The following LIMK1 variants were observed in gnomAD, a reference collection of about 807,000 sequenced individuals.
The protein encoded by LIMK1 is LIM motif-containing protein kinase.
A neutral mutation model predicts 77.6 loss-of-function variants in LIMK1; 21 were observed. The ratio of observed to expected loss-of-function variants is 0.27; its 90% CI spans 0.19 to 0.39. The LOEUF (loss-of-function observed/expected upper bound fraction) is 0.39. LIMK1 is among the 10% of genes least tolerant of loss of function. LIMK1 has a pLI of 1.00. For synonymous variants in LIMK1, 358 were observed against 370.0 expected (o/e 0.97, Z 0.37); for missense variants, 696 against 901.6 (o/e 0.77, Z 2.92).
chr7:74,090,298 C>G (rs531248105), intron 2 of LIMK1, among the ~76,000 whole-genome samples: 1 of 152,174 alleles, frequency 6.6e-6, no homozygotes, highest in South Asian at 2.1e-4. Flanking sequence ...TCGCTTGAAC[C>G]CGAGAGGCAG....
intron 5 of LIMK1, among the ~76,000 whole-genome samples, chr7:74,100,327 A>G (rs138211421): frequency 5.3e-5 from 8 of 152,308 alleles, no homozygotes; most frequent in Non-Finnish European, 1.2e-4. Flanking sequence ...TGTTTGAACA[A>G]TGAGGGAGTT....
intron 12 of LIMK1, among the ~76,000 whole-genome samples, chr7:74,114,590 A>G (rs140610382): frequency 2.0e-5 from 3 of 151,136 alleles, no homozygotes; most frequent in Non-Finnish European, 4.4e-5. Flanking sequence ...AAAGCAAAAA[A>G]CATAGACCTC....
rs782486559 is a variant in LIMK1 at position 74,109,006 on chromosome 7, C to T, written c.1254C>T (p.Gly418=). Reference sequence around the variant, plus strand: ...ACTTCATCACTGAGTACATCAAGGGCGGCACGCTCCGGGGCATCATCAAGA... The same window carrying T: ...ACTTCATCACTGAGTACATCAAGGGTGGCACGCTCCGGGGCATCATCAAGA... ...RLNFITEYIK[G]GTLRGIIKSM... is the part of the protein sequence containing the mutation. Residue 418 remains glycine (G), a synonymous_variant, in exon 10 of 16, where the codon GGC becomes GGT. Transcript: ENST00000336180. 38 of 1,613,774 alleles carry T rather than the reference C, an allele frequency of 2.4e-5. No individual in the cohort carries two copies. The highest frequency in any genetic ancestry group is 9.3e-5 in the African/African-American group (7 of 74,904).
intron 9 of LIMK1, 34 bp downstream of exon 9, chr7:74,107,991 G>A: frequency 1.3e-5 from 19 of 1,472,682 alleles, no homozygotes; most frequent in Non-Finnish European, 1.6e-5. Context: ...CCCTCCAGAG[G>A]GACTTCCAGG....
At chr7:74,100,772 G>A (rs1199551197) in intron 5 of LIMK1, among the ~76,000 whole-genome samples, 1 of 146,180 alleles carries the variant, frequency 6.8e-6, no homozygotes, top group Non-Finnish European at 1.5e-5. Context: ...GTCTCGCTCT[G>A]TCGCCCAGGC....
rs144888674 is a variant in LIMK1, at chr7:74,089,565, G to T, written c.152+3721G>T. Among the ~76,000 whole-genome samples the T allele has an allele frequency of 7.7e-3, 1,165 of 152,278 alleles. 20 individuals are homozygous for T. Among genetic ancestry groups the T allele is most frequent in the South Asian group, 0.025 (119 of 4,824 alleles). ...CTTCGGGGAGGGCATGGGCACTGGC[G>T]AATGGCAGGGTGGAACCTGAAGCCA... On this transcript the variant is annotated intron_variant, in intron 2 of 15. Transcript: ENST00000336180.
At chr7:74,111,607 C>A (rs200203379) in intron 10 of LIMK1, 41 bp from the exon 11 acceptor site, 9 of 1,574,620 alleles carry the variant, frequency 5.7e-6, no homozygotes, top group South Asian at 1.1e-5. Flanking sequence ...GCCATCGGGG[C>A]CCCCACCGGC....
At position 74,106,760 on chromosome 7, in the gene LIMK1, A is replaced by C. The variant is rs537135808; in HGVS notation, c.882-250A>C. On this transcript the variant is annotated intron_variant, in intron 7 of 15. Coordinates refer to ENST00000336180, the MANE Select transcript of LIMK1 (RefSeq NM_002314.4). The stretch of plus-strand genomic sequence containing the variant: ...GGGCAACAGTGTGAGACTCTGTCTC[A>C]AAAAAAAAGAGGATGACAGAGCAGG... Among the ~76,000 whole-genome samples, 52 of 151,670 alleles carry C rather than the reference A, an allele frequency of 3.4e-4. 1 individual carries two copies. The highest frequency in any genetic ancestry group is 6.6e-4 in the Admixed American group (10 of 15,218).
chr7:74,086,082 G>C lies in LIMK1; in HGVS notation c.152+238G>C, dbSNP rs111552812. Reference sequence around the variant, plus strand: ...TCTTTTTGAGACGGAGTCTCGCTCTGTCACCCAGGCTGGAGTACAGTGGTG... The same window carrying C: ...TCTTTTTGAGACGGAGTCTCGCTCTCTCACCCAGGCTGGAGTACAGTGGTG... On this transcript the variant is annotated intron_variant, in intron 2 of 15. Transcript: ENST00000336180. 2.5e-3 allele frequency among the ~76,000 whole-genome samples: 383 copies of C among 152,226 alleles called. 1 individual carries two copies. The highest frequency in any genetic ancestry group is 8.7e-3 in the African/African-American group (363 of 41,538).
intron 2 of LIMK1, among the ~76,000 whole-genome samples, chr7:74,092,259 C>T (rs900089436): frequency 1.3e-5 from 2 of 152,170 alleles, no homozygotes; most frequent in African/African-American, 2.4e-5. Flanking sequence ...AGCCACTGCG[C>T]ACAGGCAGCT....
intron 2 of LIMK1, among the ~76,000 whole-genome samples, chr7:74,088,111 C>A (rs1799168043): frequency 6.6e-6 from 1 of 152,172 alleles, no homozygotes; most frequent in African/African-American, 2.4e-5. Context: ...CTAACGTTTT[C>A]TAACATTCAG....
intron 12 of LIMK1, 195 bp from the exon 13 acceptor site, chr7:74,115,607 G>A: frequency 1.7e-6 from 1 of 577,884 alleles, no homozygotes; most frequent in Non-Finnish European, 3.1e-6. Flanking sequence ...GCTATCTTCA[G>A]GTGCTTCCCG....
Position 74,115,903 on chromosome 7 carries a change from G to A in LIMK1, c.1512G>A (p.Lys504=), listed in dbSNP as rs147410161. Residue 504 remains lysine, a synonymous_variant, in exon 13 of 16, where the codon AAG becomes AAA. Transcript: ENST00000336180. ...GLRSLKKPDR[K]KRYTVVGNPY... ...GGAGCCTCAAGAAGCCAGACCGCAA[G>A]AAGCGCTACACCGTGGTGGGCAACC... is the stretch of plus-strand genomic sequence containing the variant. 8.7e-6 allele frequency: 14 copies of A among 1,614,222 alleles called. No homozygotes were observed. The highest frequency in any genetic ancestry group is 1.2e-5 in the Non-Finnish European group (14 of 1,180,032).
intron 10 of LIMK1, 90 bp downstream of exon 10, chr7:74,109,126 G>T: frequency 9.5e-7 from 1 of 1,053,484 alleles, no homozygotes; most frequent in Non-Finnish European, 1.4e-6. Context: ...TCTTCAATGG[G>T]GGGAAGCCAC....
chr7:74,106,963 G>T, intron 7 of LIMK1, 47 bp from the exon 8 acceptor site: 2 of 1,499,008 alleles, frequency 1.3e-6, no homozygotes, highest in South Asian at 1.3e-5. Context: ...CCTTGGCCGG[G>T]TGCTACCTGT....
intron 2 of LIMK1, among the ~76,000 whole-genome samples, chr7:74,087,090 TGA>T (rs1329617612): frequency 2.0e-5 from 3 of 151,806 alleles, no homozygotes; most frequent in Admixed American, 2.0e-4. Flanking sequence ...TCAAAGGATG[TGA>T]GATTTCCTGG....
At chr7:74,119,234 A>G (rs1799883602) in intron 13 of LIMK1, among the ~76,000 whole-genome samples, 1 of 142,634 alleles carries the variant, frequency 7.0e-6, no homozygotes, top group Non-Finnish European at 1.5e-5. Flanking sequence ...GCTGGAGTAC[A>G]GTGGCGTGAT....
chr7:74,100,664 T>G (rs1448179614), intron 5 of LIMK1, among the ~76,000 whole-genome samples: 16 of 151,898 alleles, frequency 1.1e-4, no homozygotes, highest in Admixed American at 1.1e-3. Context: ...TGATCCTCCC[T>G]TCTCGGCCTC....
At position 74,096,791 on chromosome 7, in the gene LIMK1, G is replaced by C. The variant is rs782527239; in HGVS notation, c.291+31G>C. On this transcript the variant is annotated intron_variant, in intron 3 of 15. Coordinates refer to ENST00000336180, the MANE Select transcript of LIMK1 (RefSeq NM_002314.4). The stretch of plus-strand genomic sequence containing the variant: ...CGCCCCCTGCCTTGCACACTCACCT[G>C]GGGTGGGGGTATCCAAGCAGACCCC... The C allele has an allele frequency of 3.9e-6, 6 of 1,556,312 alleles. No homozygotes were observed. The African/African-American group carries it at 6.8e-5, about 18-fold the overall frequency.
Sources: gnomAD v4.1 joint callset for allele counts (sites outside exome capture counted in the v4.1 genomes callset) on GRCh38, gnomAD v4.1.1 for gene constraint, MANE v1.5 for transcripts, NCBI Gene and HGNC (gene_info 2026-07-23, HGNC 2026-07-21) for gene names.